The following TRIM44 variants were observed in gnomAD, a reference collection of about 807,000 sequenced individuals.
The protein encoded by TRIM44 is tripartite motif-containing protein 44.
TRIM44 carries 13 observed loss-of-function variants against 37.4 expected under a neutral mutation model. The ratio of observed to expected loss-of-function variants is 0.35; its 90% CI spans 0.23 to 0.55. The LOEUF (loss-of-function observed/expected upper bound fraction) is 0.55, where lower values mean the gene tolerates loss of function less well. TRIM44 is among the 20% of genes least tolerant of loss of function. The pLI is 0.89. For missense variants in TRIM44, 426 were observed against 437.2 expected, an observed-to-expected ratio of 0.97 and a Z score of 0.23; for synonymous variants, 175 against 157.2, an observed-to-expected ratio of 1.11 and a Z score of -0.85.
At position 35,700,691 on chromosome 11, in the gene TRIM44, T is replaced by G. The variant is rs189283696; in HGVS notation, c.747+15355T>G. 3.0e-3 allele frequency among the ~76,000 whole-genome samples: 462 copies of G among 152,328 alleles called. 1 individual carries two copies. The highest frequency in any genetic ancestry group is 0.011 in the African/African-American group (449 of 41,576). ...GACAAGAATTACCCATAAAAAATCC[T>G]TTCTTATATAAAATCTCTTTTCTTT... On this transcript the variant is annotated intron_variant, in intron 2 of 4. Coordinates refer to ENST00000299413, the MANE Select transcript of TRIM44 (RefSeq NM_017583.6).
rs116560734 is a variant in TRIM44 at position 35,746,908 on chromosome 11, G to A, written c.1007+11463G>A. 9.5e-3 allele frequency among the ~76,000 whole-genome samples: 1,448 copies of A among 152,190 alleles called. 30 individuals are homozygous for A. Among genetic ancestry groups the A allele is most frequent in the African/African-American group, 0.033 (1,352 of 41,518 alleles). On this transcript the variant is annotated intron_variant, in intron 4 of 4. Transcript: ENST00000299413. ...ACTACCAGTTGTTCCCTGTAGGTTCGCAATGTGGTTATAAAATGGAAAGGC... is the reference window on the plus strand; with the variant it reads ...ACTACCAGTTGTTCCCTGTAGGTTCACAATGTGGTTATAAAATGGAAAGGC...
intron 2 of TRIM44, among the ~76,000 whole-genome samples, chr11:35,705,503 T>C (rs918821696): frequency 6.6e-6 from 1 of 152,134 alleles, no homozygotes; most frequent in East Asian, 1.9e-4. Context: ...ATTGACCACA[T>C]AGTGGGAAGT....
intron 4 of TRIM44, among the ~76,000 whole-genome samples, chr11:35,738,972 A>G (rs997064758): frequency 1.3e-5 from 2 of 152,184 alleles, no homozygotes; most frequent in African/African-American, 2.4e-5. Context: ...CTCCTGTCCT[A>G]TGGAAACATA....
intron 4 of TRIM44, among the ~76,000 whole-genome samples, chr11:35,762,607 T>C (rs114864562): frequency 0.013 from 1,963 of 152,216 alleles, 46 homozygotes; most frequent in African/African-American, 0.045. Context: ...AGAGTCAAGA[T>C]CATAATATGT....
chr11:35,768,223 A>T (rs1020027958), intron 4 of TRIM44, among the ~76,000 whole-genome samples: 1 of 152,216 alleles, frequency 6.6e-6, no homozygotes, highest in African/African-American at 2.4e-5. Context: ...AGAAAGTTTT[A>T]TTATTTAATC....
intron 2 of TRIM44, among the ~76,000 whole-genome samples, chr11:35,695,889 C>CTT (rs34010461): frequency 1.4e-5 from 2 of 140,008 alleles, no homozygotes; most frequent in Non-Finnish European, 1.6e-5. Flanking sequence ...GAAGATTAAA[C>CTT]TTTTTTTTTT....
rs948428938 is a variant in TRIM44 at position 35,814,916 on chromosome 11, A to C, written c.*8531A>C. 1 of 152,172 alleles carries C rather than the reference A, an allele frequency of 6.6e-6. No individual in the cohort carries two copies. The highest frequency in any genetic ancestry group is 1.5e-5 in the Non-Finnish European group (1 of 68,042). 9.4% of individuals were successfully genotyped at this position (152,172 alleles called of 1,614,324 possible). The stretch of plus-strand genomic sequence containing the variant: ...GAGGGAAATTGTCCACCACTTCCCA[A>C]TGATAATGCCTGGCTCGGACCCCAG... On this transcript the variant is annotated 3_prime_UTR_variant, in exon 5 of 5. Coordinates refer to ENST00000299413, the MANE Select transcript of TRIM44 (RefSeq NM_017583.6).
intron 2 of TRIM44, among the ~76,000 whole-genome samples, chr11:35,723,451 G>T (rs1852133308): frequency 6.6e-6 from 1 of 152,202 alleles, no homozygotes; most frequent in East Asian, 1.9e-4. Context: ...AGGTTTTGAT[G>T]TCTTAGGTTG....
chr11:35,683,757 A>G (rs974458099), intron 1 of TRIM44, among the ~76,000 whole-genome samples: 18 of 151,976 alleles, frequency 1.2e-4, no homozygotes, highest in Non-Finnish European at 7.4e-5. Context: ...ATAATGTATT[A>G]TTATTATGGC....
At chr11:35,679,150 T>C (rs534319455) in intron 1 of TRIM44, among the ~76,000 whole-genome samples, 30 of 152,322 alleles carry the variant, frequency 2.0e-4, no homozygotes, top group African/African-American at 7.2e-4. Flanking sequence ...AGGATATTTA[T>C]GTGGCTTATA....
At chr11:35,749,246 G>T (rs1327239461) in intron 4 of TRIM44, among the ~76,000 whole-genome samples, 1 of 152,234 alleles carries the variant, frequency 6.6e-6, no homozygotes, top group Middle Eastern at 3.4e-3. Flanking sequence ...CTTAAGAAAA[G>T]GTAAAGGAAG....
chr11:35,755,248 A>G (rs975410749), intron 4 of TRIM44, among the ~76,000 whole-genome samples: 6 of 152,196 alleles, frequency 3.9e-5, no homozygotes, highest in Admixed American at 2.6e-4. Context: ...CATTTCTCCA[A>G]TGGCCAGTAA....
At chr11:35,712,726 G>A (rs962853809) in intron 2 of TRIM44, among the ~76,000 whole-genome samples, 1 of 152,110 alleles carries the variant, frequency 6.6e-6, no homozygotes, top group Non-Finnish European at 1.5e-5. Flanking sequence ...ATTACACAGC[G>A]AACCTGGAGA....
intron 1 of TRIM44, among the ~76,000 whole-genome samples, chr11:35,681,591 A>T (rs1021601422): frequency 1.1e-4 from 17 of 152,206 alleles, no homozygotes; most frequent in Non-Finnish European, 1.8e-4. Flanking sequence ...GGGGAATCCT[A>T]CTACTTTGCT....
intron 2 of TRIM44, among the ~76,000 whole-genome samples, chr11:35,686,377 T>G (rs1049230287): frequency 1.3e-5 from 2 of 151,074 alleles, no homozygotes; most frequent in Non-Finnish European, 3.0e-5. Context: ...TGTTTTTGTT[T>G]TTTTTTTTTT....
intron 1 of TRIM44, among the ~76,000 whole-genome samples, chr11:35,678,432 C>T (rs1370646673): frequency 6.6e-6 from 1 of 151,752 alleles, no homozygotes; most frequent in Non-Finnish European, 1.5e-5. Context: ...AAAGTGATGG[C>T]CTAGTGTAGG....
intron 4 of TRIM44, among the ~76,000 whole-genome samples, chr11:35,794,728 G>T (rs1031388138): frequency 6.6e-6 from 1 of 152,184 alleles, no homozygotes; most frequent in Non-Finnish European, 1.5e-5. Context: ...CCAGCAAGTG[G>T]CCCATGGTTT....
In TRIM44 at chr11:35,704,211, A is replaced by G. The variant is rs939211676; in HGVS notation, c.747+18875A>G. The stretch of plus-strand genomic sequence containing the variant: ...GAAGCAAGAAGGGAAGTTTAGAGAA[A>G]AAAGAATAAAAAGGAACGAACAAAG... On this transcript the variant is annotated intron_variant, in intron 2 of 4. Coordinates refer to ENST00000299413, the MANE Select transcript of TRIM44 (RefSeq NM_017583.6). Among the ~76,000 whole-genome samples, 54 of 152,208 alleles carry G rather than the reference A, an allele frequency of 3.5e-4. 1 individual carries two copies. Among genetic ancestry groups the G allele is most frequent in the Admixed American group, 4.6e-4 (7 of 15,278 alleles).
In TRIM44 at chr11:35,757,259, A is replaced by G. The variant is rs201113553; in HGVS notation, c.1007+21814A>G. ...GGCGTATGTGTTGAGGAATTTATCC[A>G]TTTCTTCTAGATTTTCTAATTTATT... On this transcript the variant is annotated intron_variant, in intron 4 of 4. Coordinates refer to ENST00000299413, the MANE Select transcript of TRIM44 (RefSeq NM_017583.6). Among the ~76,000 whole-genome samples the G allele has an allele frequency of 7.9e-5, 12 of 152,180 alleles. No homozygotes were observed. The East Asian group carries it at 1.5e-3, about 20-fold the overall frequency.
Sources: gnomAD v4.1 joint callset for allele counts (sites outside exome capture counted in the v4.1 genomes callset) on GRCh38, gnomAD v4.1.1 for gene constraint, MANE v1.5 for transcripts, NCBI Gene and HGNC (gene_info 2026-07-23, HGNC 2026-07-21) for gene names.